CSMD1: variants seen among roughly 807,000 people sequenced by gnomAD.
CSMD1 encodes CUB and Sushi multiple domains 1.
A neutral mutation model predicts 417.5 loss-of-function variants in CSMD1; 213 were observed. That is an observed-to-expected ratio of 0.51 (90% CI 0.46 to 0.57). The LOEUF (loss-of-function observed/expected upper bound fraction) is 0.57. Among genes scored for constraint, CSMD1 ranks in the 20% least tolerant of loss-of-function variants. The probability of loss-of-function intolerance (pLI) is 0.00; values close to 1 mark genes in which losing one functional copy is unlikely to be tolerated. For missense variants in CSMD1, 6,923 were observed against 4,529.7 expected (o/e 1.53, Z -15.17); for synonymous variants, 2,862 against 1,736.8 (o/e 1.65, Z -16.11).
intron 3 of CSMD1, among the ~76,000 whole-genome samples, chr8:4,034,608 G>A (rs1324677836): frequency 1.3e-5 from 2 of 152,120 alleles, no homozygotes. Flanking sequence ...CATCAGCTGA[G>A]CCGAGAGCTC....
At chr8:3,117,120 G>C (rs1193644975) in intron 42 of CSMD1, among the ~76,000 whole-genome samples, 1 of 151,952 alleles carries the variant, frequency 6.6e-6, no homozygotes, top group Non-Finnish European at 1.5e-5. Context: ...GCCCAGGCTG[G>C]AGGGCAGTGG....
chr8:3,272,045 A>C (rs1474413333), intron 26 of CSMD1, among the ~76,000 whole-genome samples: 3 of 151,352 alleles, frequency 2.0e-5, no homozygotes, highest in Middle Eastern at 3.4e-3. Flanking sequence ...GTTTTCTTCT[A>C]GGGTTTTTAT....
intron 7 of CSMD1, among the ~76,000 whole-genome samples, chr8:3,657,813 C>T (rs1477427845): frequency 6.6e-6 from 1 of 152,132 alleles, no homozygotes; most frequent in South Asian, 2.1e-4. Context: ...CATGCACATT[C>T]TGCACATGTA....
intron 2 of CSMD1, among the ~76,000 whole-genome samples, chr8:4,631,823 G>C (rs1455357980): frequency 6.6e-6 from 1 of 152,118 alleles, no homozygotes; most frequent in East Asian, 1.9e-4. Context: ...AAGTTAGAAA[G>C]ACCGACGAAC....
At chr8:4,374,783 C>G (rs149744246) in intron 3 of CSMD1, among the ~76,000 whole-genome samples, 223 of 152,192 alleles carry the variant, frequency 1.5e-3, no homozygotes, top group African/African-American at 4.8e-3. Context: ...GCCACCTGCT[C>G]TAGGATGGCC....
chr8:4,090,492 A>T (rs1382158220), intron 3 of CSMD1, among the ~76,000 whole-genome samples: 1 of 152,204 alleles, frequency 6.6e-6, no homozygotes, highest in East Asian at 1.9e-4. Flanking sequence ...AGCTAGAAAT[A>T]ACTCCTACTG....
chr8:4,525,712 A>C (rs1796479045), intron 2 of CSMD1, among the ~76,000 whole-genome samples: 1 of 152,150 alleles, frequency 6.6e-6, no homozygotes, highest in African/African-American at 2.4e-5. Flanking sequence ...CAAGCTAGGG[A>C]TGGTCAGGTG....
At chr8:4,144,017 C>A (rs1449909427) in intron 3 of CSMD1, among the ~76,000 whole-genome samples, 1 of 151,278 alleles carries the variant, frequency 6.6e-6, no homozygotes. Flanking sequence ...AGGAGGAGGG[C>A]TATAGAGAAA....
intron 10 of CSMD1, among the ~76,000 whole-genome samples, chr8:3,568,687 A>T (rs1027311208): frequency 6.6e-6 from 1 of 152,062 alleles, no homozygotes; most frequent in African/African-American, 2.4e-5. Context: ...GATATACTGT[A>T]TATGTGTATA....
intron 3 of CSMD1, among the ~76,000 whole-genome samples, chr8:4,189,336 T>TTGGA (rs1798876232): frequency 6.6e-6 from 1 of 152,182 alleles, no homozygotes; most frequent in African/African-American, 2.4e-5. Context: ...GCCAACTGTG[T>TTGGA]TTATTAGGAA....
intron 12 of CSMD1, among the ~76,000 whole-genome samples, chr8:3,439,680 T>A (rs1814842561): frequency 6.6e-6 from 1 of 152,210 alleles, no homozygotes; most frequent in South Asian, 2.1e-4. Context: ...ATTTGGTAAA[T>A]AATTCCAATT....
chr8:3,322,120 C>T (rs1028980022), intron 23 of CSMD1, among the ~76,000 whole-genome samples: 1 of 152,092 alleles, frequency 6.6e-6, no homozygotes, highest in Non-Finnish European at 1.5e-5. Context: ...GTTATGAATA[C>T]CAAATACTGT....
chr8:4,096,722 T>C (rs17404267), intron 3 of CSMD1, among the ~76,000 whole-genome samples: 2 of 152,134 alleles, frequency 1.3e-5, no homozygotes, highest in Non-Finnish European at 2.9e-5. Context: ...TAGGTAATCA[T>C]CTGAGAAAAT....
intron 7 of CSMD1, among the ~76,000 whole-genome samples, chr8:3,671,097 T>G (rs945863282): frequency 2.1e-5 from 3 of 143,362 alleles, no homozygotes; most frequent in Admixed American, 7.1e-5. Flanking sequence ...GGGATATATA[T>G]GTATGGGATA....
chr8:3,863,999 A>T (rs576307664), intron 5 of CSMD1, among the ~76,000 whole-genome samples: 1 of 152,198 alleles, frequency 6.6e-6, no homozygotes, highest in African/African-American at 2.4e-5. Context: ...TAGAAAATTC[A>T]TAAGGCAGAA....
rs181909605 is a variant in CSMD1, at chr8:3,819,869, A to G, written c.819-65827T>C. ...CTGAAAGTGATTTTGCAAGGGGTAAACTAAATCAAGCAGGGATCCAGAGTG... is the reference window on the plus strand; with the variant it reads ...CTGAAAGTGATTTTGCAAGGGGTAAGCTAAATCAAGCAGGGATCCAGAGTG... On this transcript the variant is annotated intron_variant, in intron 5 of 69. Transcript: ENST00000635120. Among the ~76,000 whole-genome samples the G allele has an allele frequency of 9.3e-4, 142 of 152,274 alleles. 1 individual carries two copies. Among genetic ancestry groups the G allele is most frequent in the African/African-American group, 3.3e-3 (139 of 41,566 alleles).
chr8:3,268,538 G>A (rs775179130), intron 26 of CSMD1, among the ~76,000 whole-genome samples: 7 of 151,696 alleles, frequency 4.6e-5, no homozygotes, highest in South Asian at 2.1e-4. Context: ...CGCCCACCTC[G>A]GCCTCCTAAA....
At chr8:3,049,779 G>T (rs564880682) in intron 50 of CSMD1, among the ~76,000 whole-genome samples, 24 of 152,156 alleles carry the variant, frequency 1.6e-4, no homozygotes, top group African/African-American at 5.8e-4. Context: ...GGGTGATGAT[G>T]GTATGTCAAT....
At chr8:3,346,238 T>G (rs1392431613) in intron 22 of CSMD1, among the ~76,000 whole-genome samples, 1 of 152,214 alleles carries the variant, frequency 6.6e-6, no homozygotes, top group Non-Finnish European at 1.5e-5. Context: ...ATAATCAACT[T>G]TAAACAGCAT....
Sources: gnomAD v4.1 joint callset for allele counts (sites outside exome capture counted in the v4.1 genomes callset) on GRCh38, gnomAD v4.1.1 for gene constraint, MANE v1.5 for transcripts, NCBI Gene and HGNC (gene_info 2026-07-23, HGNC 2026-07-21) for gene names.